Variants in STK3 observed in about 807,000 individuals in gnomAD.
STK3 encodes the protein serine/threonine-protein kinase 3.
In STK3, 41 loss-of-function variants were observed where a neutral mutation model predicts 58.0. The ratio of observed to expected loss-of-function variants is 0.71; its 90% CI spans 0.55 to 0.92. STK3 has a LOEUF of 0.92. STK3 is among the 40% of genes least tolerant of loss of function. The pLI, the probability that STK3 is intolerant of heterozygous loss-of-function variation, is 0.00. For missense variants in STK3, 479 were observed against 602.7 expected (o/e 0.79, Z 2.15); for synonymous variants, 170 against 191.0 (o/e 0.89, Z 0.91).
rs143167705 is a variant in STK3 at position 98,932,899 on chromosome 8, T to C, written c.-79+9479A>G. Among the ~76,000 whole-genome samples the C allele has an allele frequency of 3.8e-4, 58 of 152,330 alleles. 1 individual carries two copies. The highest frequency in any genetic ancestry group is 1.4e-3 in the South Asian group (7 of 4,830). On this transcript the variant is annotated intron_variant, in intron 1 of 1. Coordinates refer to the STK3 transcript ENST00000519420. ...TCCAGCTTCAATCTAGACTGTTACCTGGTCATAAGAGAAAGAGCCTTTTGC... is the reference window on the plus strand; with the variant it reads ...TCCAGCTTCAATCTAGACTGTTACCCGGTCATAAGAGAAAGAGCCTTTTGC...
intron 1 of STK3, among the ~76,000 whole-genome samples, chr8:98,911,935 A>G (rs1587838130): frequency 6.6e-6 from 1 of 152,232 alleles, no homozygotes; most frequent in Non-Finnish European, 1.5e-5. Context: ...GATTACTTCC[A>G]GTCCAAATAA....
intron 1 of STK3, among the ~76,000 whole-genome samples, chr8:98,380,294 T>C (rs1399708907): frequency 6.6e-6 from 1 of 152,180 alleles, no homozygotes; most frequent in Non-Finnish European, 1.5e-5. Context: ...TAAGTGTTCT[T>C]ACCACAATAA....
At chr8:98,695,877 A>G (rs1373421582) in intron 6 of STK3, among the ~76,000 whole-genome samples, 1 of 152,120 alleles carries the variant, frequency 6.6e-6, no homozygotes, top group Non-Finnish European at 1.5e-5. Context: ...GAACTTTAAA[A>G]TAGTTTTTTC....
chr8:98,750,377 C>G (rs1829893796), intron 3 of STK3, among the ~76,000 whole-genome samples: 1 of 150,744 alleles, frequency 6.6e-6, no homozygotes, highest in African/African-American at 2.4e-5. Context: ...ATAAATACTT[C>G]TATCTAGTAA....
chr8:98,656,339 G>A (rs1459345022), intron 6 of STK3, among the ~76,000 whole-genome samples: 2 of 151,868 alleles, frequency 1.3e-5, no homozygotes, highest in African/African-American at 4.8e-5. Flanking sequence ...CTGTTGTGGG[G>A]TGGGAGGTGG....
intron 1 of STK3, among the ~76,000 whole-genome samples, chr8:98,931,226 G>C (rs981126702): frequency 2.0e-5 from 3 of 152,194 alleles, no homozygotes; most frequent in African/African-American, 7.2e-5. Flanking sequence ...CCCCTGGGCA[G>C]TGTTTTGTCT....
At chr8:98,667,570 C>G (rs1309204916) in intron 6 of STK3, among the ~76,000 whole-genome samples, 1 of 151,914 alleles carries the variant, frequency 6.6e-6, no homozygotes, top group Admixed American at 6.6e-5. Flanking sequence ...TTTTAAAAAA[C>G]TTTTTTCATT....
At chr8:98,393,263 A>T (rs1817865009) in intron 3 of STK3, among the ~76,000 whole-genome samples, 1 of 152,138 alleles carries the variant, frequency 6.6e-6, no homozygotes, top group Admixed American at 6.5e-5. Flanking sequence ...ACAGACCAGT[A>T]CCAGAGTCAG....
chr8:98,638,832 T>G (rs756732340), intron 6 of STK3, among the ~76,000 whole-genome samples: 19 of 152,178 alleles, frequency 1.2e-4, no homozygotes, highest in Admixed American at 3.3e-4. Flanking sequence ...AATGTCAGTT[T>G]TACTCAATTA....
intron 10 of STK3, among the ~76,000 whole-genome samples, chr8:98,523,688 C>T (rs1420998200): frequency 6.6e-6 from 1 of 151,914 alleles, no homozygotes; most frequent in Non-Finnish European, 1.5e-5. Context: ...TTGCCCATTT[C>T]TGAAATGGAC....
intron 1 of STK3, among the ~76,000 whole-genome samples, chr8:98,935,222 C>A (rs1280354792): frequency 6.6e-6 from 1 of 152,220 alleles, no homozygotes; most frequent in Non-Finnish European, 1.5e-5. Context: ...GGTCAGAATG[C>A]AGCTATCTTG....
intron 8 of STK3, among the ~76,000 whole-genome samples, chr8:98,571,983 T>C (rs910802539): frequency 6.6e-6 from 1 of 152,190 alleles, no homozygotes; most frequent in Admixed American, 6.5e-5. Flanking sequence ...TGCCTTATCT[T>C]ATAAATTCAA....
At chr8:98,634,171 C>T (rs1193976802) in intron 6 of STK3, among the ~76,000 whole-genome samples, 4 of 152,092 alleles carry the variant, frequency 2.6e-5, no homozygotes, top group South Asian at 4.1e-4. Flanking sequence ...GGGAAGGAAA[C>T]ATCAACAGGA....
At chr8:98,459,255 C>A (rs1026697411) in intron 10 of STK3, among the ~76,000 whole-genome samples, 1 of 152,194 alleles carries the variant, frequency 6.6e-6, no homozygotes, top group Non-Finnish European at 1.5e-5. Context: ...TGCCCCTGCC[C>A]TAGAGATCTG....
chr8:98,858,768 T>G (rs1413934668), intron 3 of STK3, among the ~76,000 whole-genome samples: 2 of 151,926 alleles, frequency 1.3e-5, no homozygotes, highest in Non-Finnish European at 2.9e-5. Flanking sequence ...GGTGCATGCC[T>G]GTAGTCCCAG....
intron 1 of STK3, among the ~76,000 whole-genome samples, chr8:98,934,447 A>G (rs1441374099): frequency 3.3e-5 from 5 of 152,198 alleles, no homozygotes; most frequent in African/African-American, 9.7e-5. Context: ...AAAGCTGCAT[A>G]TCGGAAGCCA....
intron 3 of STK3, chr8:98,427,448 G>A (rs1381232021): frequency 6.6e-6 from 1 of 152,194 alleles, no homozygotes; most frequent in East Asian, 2.0e-4. Context: ...GGGACGCGGG[G>A]GCTGCAGGCG....
intron 4 of STK3, among the ~76,000 whole-genome samples, chr8:98,738,259 C>G (rs1440646807): frequency 6.6e-6 from 1 of 151,926 alleles, no homozygotes; most frequent in Non-Finnish European, 1.5e-5. Flanking sequence ...GATCACCCCA[C>G]GTCAGGAGTT....
At chr8:98,671,905 TAGTA>T (rs953651758) in intron 6 of STK3, among the ~76,000 whole-genome samples, 37 of 152,262 alleles carry the variant, frequency 2.4e-4, no homozygotes, top group African/African-American at 7.7e-4. Flanking sequence ...GTTCTCATGA[TAGTA>T]AGTGAGTCCT....
Sources: gnomAD v4.1 joint callset for allele counts (sites outside exome capture counted in the v4.1 genomes callset) on GRCh38, gnomAD v4.1.1 for gene constraint, MANE v1.5 for transcripts, NCBI Gene and HGNC (gene_info 2026-07-23, HGNC 2026-07-21) for gene names.